PCP4: variants seen among roughly 807,000 people sequenced by gnomAD.
PCP4 encodes the protein Purkinje cell protein 4, also known as calmodulin regulator protein PCP4.
In PCP4, 8 loss-of-function variants were observed where a neutral mutation model predicts 10.0. The ratio of observed to expected loss-of-function variants is 0.80; its 90% CI spans 0.47 to 1.45. PCP4 has a LOEUF of 1.45. Ranked by LOEUF, PCP4 falls within the 40% of genes most tolerant of loss-of-function variation. The pLI is 0.00. For synonymous variants in PCP4, 21 were observed against 23.0 expected (o/e 0.91, Z 0.24); for missense variants, 54 against 74.4 (o/e 0.73, Z 1.01).
chr21:39,904,720 A>G (rs1437810264), intron 2 of PCP4, among the ~76,000 whole-genome samples: 1 of 152,204 alleles, frequency 6.6e-6, no homozygotes, highest in African/African-American at 2.4e-5. Flanking sequence ...GGTACACGGA[A>G]GACAGAGCAG....
chr21:39,920,308 T>TTGATGTG (rs1224319392), intron 2 of PCP4, among the ~76,000 whole-genome samples: 2 of 141,194 alleles, frequency 1.4e-5, no homozygotes, highest in Admixed American at 7.1e-5. Flanking sequence ...TGGTGTGTAT[T>TTGATGTG]TGATGTGTGA....
intron 2 of PCP4, among the ~76,000 whole-genome samples, chr21:39,924,573 T>C (rs923484689): frequency 6.6e-6 from 1 of 152,152 alleles, no homozygotes; most frequent in African/African-American, 2.4e-5. Flanking sequence ...GGTCTCACTC[T>C]GTTTCCCAGG....
chr21:39,876,775 C>T (rs1052588838), intron 1 of PCP4, among the ~76,000 whole-genome samples: 1 of 152,190 alleles, frequency 6.6e-6, no homozygotes. Flanking sequence ...CAGTGAAGCA[C>T]CTTACAACCC....
intron 1 of PCP4, among the ~76,000 whole-genome samples, chr21:39,890,862 C>G (rs1030651353): frequency 3.3e-5 from 5 of 152,028 alleles, no homozygotes; most frequent in African/African-American, 1.2e-4. Context: ...ATGGATTTCA[C>G]AAGGAAGAAT....
intron 2 of PCP4, among the ~76,000 whole-genome samples, chr21:39,902,315 T>G (rs973774306): frequency 1.3e-5 from 2 of 152,232 alleles, no homozygotes; most frequent in African/African-American, 4.8e-5. Flanking sequence ...TAAATTTAGT[T>G]GAGGTCTCCA....
intron 1 of PCP4, among the ~76,000 whole-genome samples, chr21:39,894,088 C>T (rs368585741): frequency 6.6e-6 from 1 of 151,984 alleles, no homozygotes; most frequent in East Asian, 1.9e-4. Context: ...GGGTGGGTGT[C>T]GGGCTGGAGA....
At chr21:39,871,565 A>G (rs1199991306) in intron 1 of PCP4, among the ~76,000 whole-genome samples, 1 of 152,254 alleles carries the variant, frequency 6.6e-6, no homozygotes, top group Non-Finnish European at 1.5e-5. Context: ...CAGATCAAGC[A>G]AGATCAGTTT....
rs67572508 is a variant in PCP4 at position 39,903,876 on chromosome 21, C to CAAA, written c.61+5367_61+5369dup. Among the ~76,000 whole-genome samples, 209 of 95,534 alleles carry CAAA rather than the reference C, an allele frequency of 2.2e-3. 3 individuals carry two copies. The highest frequency in any genetic ancestry group is 2.7e-3 in the Non-Finnish European group (128 of 48,104). 62.7% of individuals were successfully genotyped at this position (95,534 alleles called of 152,430 possible). On this transcript the variant is annotated intron_variant, in intron 2 of 2. Transcript: ENST00000328619. ...GAGTGGGACTCCGTCTCAAAAAAAACAAAAAAAAAAAAAAAAAAAAGACTT... is the reference window on the plus strand; with the variant it reads ...GAGTGGGACTCCGTCTCAAAAAAAACAAAAAAAAAAAAAAAAAAAAAAAGACTT...
At position 39,867,521 on chromosome 21, in the gene PCP4, C is replaced by A. The variant is rs368863417; in HGVS notation, c.9+11C>A. 7 of 1,613,848 alleles carry A rather than the reference C, an allele frequency of 4.3e-6. No homozygotes were observed. The highest frequency in any genetic ancestry group is 5.9e-6 in the Non-Finnish European group (7 of 1,179,724). ...GCCAACATGAGTGAGGTGAGTGATGCTTCGACCTGGAGAGGGAAACTTAGG... is the reference window on the plus strand; with the variant it reads ...GCCAACATGAGTGAGGTGAGTGATGATTCGACCTGGAGAGGGAAACTTAGG... On this transcript the variant is annotated intron_variant, in intron 1 of 2. Transcript: ENST00000328619.
At chr21:39,920,120 T>C (rs531335635) in intron 2 of PCP4, among the ~76,000 whole-genome samples, 1 of 140,836 alleles carries the variant, frequency 7.1e-6, no homozygotes, top group East Asian at 2.1e-4. Flanking sequence ...GTGTGTGGGG[T>C]GTTTGTGTGT....
intron 1 of PCP4, among the ~76,000 whole-genome samples, chr21:39,874,907 A>G (rs531055877): frequency 6.6e-6 from 1 of 152,204 alleles, no homozygotes; most frequent in Admixed American, 6.5e-5. Context: ...GGCTACGGGC[A>G]GGTAGTGTAG....
chr21:39,921,631 G>A (rs566022666), intron 2 of PCP4, among the ~76,000 whole-genome samples: 206 of 152,318 alleles, frequency 1.4e-3, no homozygotes, highest in Middle Eastern at 3.4e-3. Context: ...TGGTACCCCA[G>A]ATTGTAACTA....
intron 1 of PCP4, among the ~76,000 whole-genome samples, chr21:39,881,961 C>G (rs529593175): frequency 1.3e-5 from 2 of 152,314 alleles, no homozygotes; most frequent in East Asian, 1.9e-4. Context: ...CTAAGCCTCT[C>G]TGTGTCTCAA....
chr21:39,923,216 A>C (rs2087605298), intron 2 of PCP4, among the ~76,000 whole-genome samples: 1 of 152,228 alleles, frequency 6.6e-6, no homozygotes, highest in South Asian at 2.1e-4. Context: ...AGTGGAGTTG[A>C]GCAAAGAATG....
chr21:39,898,176 C>T (rs2087466638), intron 1 of PCP4, among the ~76,000 whole-genome samples: 2 of 151,950 alleles, frequency 1.3e-5, no homozygotes, highest in South Asian at 4.2e-4. Context: ...AGAACCTTGG[C>T]TGTTGCCTTC....
chr21:39,908,578 T>A lies in PCP4; in HGVS notation c.61+10051T>A, dbSNP rs9979454. Among the ~76,000 whole-genome samples the A allele has an allele frequency of 9.4e-3, 1,432 of 152,218 alleles. 5 individuals carry two copies. The highest frequency in any genetic ancestry group is 0.027 in the Middle Eastern group (8 of 294). On this transcript the variant is annotated intron_variant, in intron 2 of 2. Coordinates refer to ENST00000328619, the MANE Select transcript of PCP4 (RefSeq NM_006198.3). ...GCCACACACCCACAGACTGTGGGCT[T>A]CCAGAAAGCTGCTTTCTCAAGGGCT...
At chr21:39,915,240 A>C (rs1384540188) in intron 2 of PCP4, among the ~76,000 whole-genome samples, 1 of 152,202 alleles carries the variant, frequency 6.6e-6, no homozygotes, top group African/African-American at 2.4e-5. Flanking sequence ...AAAAAAAAAA[A>C]AATCTCTGGG....
intron 1 of PCP4, among the ~76,000 whole-genome samples, chr21:39,896,075 C>T (rs1186305866): frequency 1.3e-5 from 2 of 152,034 alleles, no homozygotes; most frequent in Admixed American, 6.5e-5. Context: ...TTAGAAATCC[C>T]GAAAAAATGA....
chr21:39,920,159 G>A (rs1243261851), intron 2 of PCP4, among the ~76,000 whole-genome samples: 1 of 147,650 alleles, frequency 6.8e-6, no homozygotes, highest in Non-Finnish European at 1.5e-5. Context: ...TGTGTTTGAT[G>A]TGTGATGTGT....
Sources: gnomAD v4.1 joint callset for allele counts (sites outside exome capture counted in the v4.1 genomes callset) on GRCh38, gnomAD v4.1.1 for gene constraint, MANE v1.5 for transcripts, NCBI Gene and HGNC (gene_info 2026-07-23, HGNC 2026-07-21) for gene names.